The following CDH18 variants were observed in gnomAD, a reference collection of about 807,000 sequenced individuals.
The protein encoded by CDH18 is cadherin 18, also known as cadherin-18.
In CDH18, 31 loss-of-function variants were observed where a neutral mutation model predicts 67.9. The observed-to-expected ratio is 0.46, with a 90% CI of 0.34 to 0.62. The LOEUF is 0.62. CDH18 is among the 20% of genes least tolerant of loss of function. The pLI is 0.01. For synonymous variants in CDH18, 362 were observed against 347.2 expected (o/e 1.04, Z -0.48); for missense variants, 890 against 975.5 (o/e 0.91, Z 1.17).
chr5:20,392,104 A>G (rs966949451), intron 1 of CDH18, among the ~76,000 whole-genome samples: 2 of 151,940 alleles, frequency 1.3e-5, no homozygotes, highest in African/African-American at 4.8e-5. Context: ...TTAAAGAAAG[A>G]TAAAATAATA....
chr5:20,414,306 T>C (rs547198964), intron 1 of CDH18, among the ~76,000 whole-genome samples: 1 of 152,354 alleles, frequency 6.6e-6, no homozygotes, highest in South Asian at 2.1e-4. Flanking sequence ...ATGGTATCAC[T>C]TCGTTTACAA....
chr5:20,219,523 A>C lies in CDH18; in HGVS notation c.-518+35921T>G, dbSNP rs1025117577. Among the ~76,000 whole-genome samples the C allele has an allele frequency of 1.3e-5, 2 of 151,560 alleles. 1 individual carries two copies. The highest frequency in any genetic ancestry group is 2.9e-5 in the Non-Finnish European group (2 of 67,806). Reference sequence around the variant, plus strand: ...ACTAAAACTAAAGACATGTCAAAAAAAAAAAAAGAAAAAAACAAATCAGAA... The same window carrying C: ...ACTAAAACTAAAGACATGTCAAAAACAAAAAAAGAAAAAAACAAATCAGAA... On this transcript the variant is annotated intron_variant, in intron 2 of 14. Coordinates refer to the CDH18 transcript ENST00000507958.
chr5:20,451,039 G>A (rs1750405553), intron 1 of CDH18, among the ~76,000 whole-genome samples: 1 of 152,122 alleles, frequency 6.6e-6, no homozygotes, highest in South Asian at 2.1e-4. Context: ...CCTCCCACCA[G>A]GTCCCTCCAA....
chr5:20,557,290 C>G (rs370398015), intron 1 of CDH18, among the ~76,000 whole-genome samples: 1 of 150,838 alleles, frequency 6.6e-6, no homozygotes, highest in Non-Finnish European at 1.5e-5. Context: ...GTGGAGAGAT[C>G]GGCGAAAAAA....
At position 19,741,612 on chromosome 5, in the gene CDH18, A is replaced by T. The variant is rs191537831; in HGVS notation, c.523+5330T>A. Among the ~76,000 whole-genome samples, 146 of 152,296 alleles carry T rather than the reference A, an allele frequency of 9.6e-4. 2 individuals carry two copies. In the East Asian group the frequency reaches 0.027, roughly 28 times the overall value. On this transcript the variant is annotated intron_variant, in intron 4 of 12. Coordinates refer to ENST00000382275, the MANE Select transcript of CDH18 (RefSeq NM_004934.5). ...ACACTGCAATTTCTTACCTAGCCAG[A>T]TAGAACATATTTTTGTTTTAAAGTT...
chr5:20,163,486 C>T (rs1289067693), intron 2 of CDH18, among the ~76,000 whole-genome samples: 3 of 152,130 alleles, frequency 2.0e-5, no homozygotes, highest in African/African-American at 7.2e-5. Flanking sequence ...AACAGAAAAT[C>T]TAATATTTTT....
At chr5:19,524,234 A>G (rs1561264504) in intron 9 of CDH18, among the ~76,000 whole-genome samples, 1 of 150,914 alleles carries the variant, frequency 6.6e-6, no homozygotes, top group Non-Finnish European at 1.5e-5. Flanking sequence ...TTCATATATA[A>G]TTTATATTGG....
intron 2 of CDH18, among the ~76,000 whole-genome samples, chr5:20,248,820 C>T (rs903282699): frequency 2.0e-5 from 3 of 152,082 alleles, no homozygotes; most frequent in African/African-American, 7.2e-5. Flanking sequence ...CAATTTTATC[C>T]ACAGTTCTTC....
chr5:20,153,674 C>G (rs943131755), intron 2 of CDH18, among the ~76,000 whole-genome samples: 1 of 152,206 alleles, frequency 6.6e-6, no homozygotes, highest in Non-Finnish European at 1.5e-5. Context: ...AAAGGCTTCT[C>G]TTCCTGTCTT....
At chr5:19,968,300 C>T (rs1198848448) in intron 2 of CDH18, among the ~76,000 whole-genome samples, 2 of 152,066 alleles carry the variant, frequency 1.3e-5, no homozygotes, top group African/African-American at 4.8e-5. Context: ...CCATCCCCAT[C>T]AAGCTACCAA....
At chr5:19,612,746 C>A in intron 5 of CDH18, 145 bp from the exon 6 acceptor site, 1 of 639,138 alleles carries the variant, frequency 1.6e-6, no homozygotes, top group Non-Finnish European at 2.7e-6. Flanking sequence ...CAATATCTTA[C>A]CAATGCATGA....
At chr5:19,848,370 A>G (rs1783236116) in intron 2 of CDH18, among the ~76,000 whole-genome samples, 1 of 152,112 alleles carries the variant, frequency 6.6e-6, no homozygotes, top group African/African-American at 2.4e-5. Flanking sequence ...GCGAGGTATT[A>G]TGATGAGAGG....
At chr5:20,398,168 AT>A (rs1336865572) in intron 1 of CDH18, among the ~76,000 whole-genome samples, 1 of 152,088 alleles carries the variant, frequency 6.6e-6, no homozygotes, top group Non-Finnish European at 1.5e-5. Context: ...AATATACAAT[AT>A]TTCCCTCAGT....
intron 8 of CDH18, among the ~76,000 whole-genome samples, chr5:19,554,343 T>A (rs184526628): frequency 1.3e-5 from 2 of 152,200 alleles, no homozygotes; most frequent in African/African-American, 4.8e-5. Flanking sequence ...AGAATTTTTT[T>A]ATTCAGAACC....
At chr5:20,362,849 G>C (rs995547426) in intron 1 of CDH18, among the ~76,000 whole-genome samples, 1 of 152,056 alleles carries the variant, frequency 6.6e-6, no homozygotes, top group Non-Finnish European at 1.5e-5. Context: ...GAAATTGCTG[G>C]ACTGAGTTAA....
intron 1 of CDH18, among the ~76,000 whole-genome samples, chr5:20,503,088 T>A (rs965013499): frequency 2.6e-5 from 4 of 152,130 alleles, no homozygotes; most frequent in South Asian, 4.1e-4. Flanking sequence ...ACAGGTTTTT[T>A]AAATCAGATT....
intron 1 of CDH18, among the ~76,000 whole-genome samples, chr5:19,982,765 C>G (rs1799181702): frequency 6.6e-6 from 1 of 152,018 alleles, no homozygotes; most frequent in South Asian, 2.1e-4. Flanking sequence ...TAATTCGAGG[C>G]CAGGCACCAT....
At chr5:20,256,966 C>CTATCTATCTATCTGTCTAATCTATCTA (rs1561917330) in intron 1 of CDH18, among the ~76,000 whole-genome samples, 4 of 106,438 alleles carry the variant, frequency 3.8e-5, no homozygotes, top group South Asian at 3.4e-4. Flanking sequence ...TCTATCTAAT[C>CTATCTATCTATCTGTCTAATCTATCTA]TATCTATATC....
In CDH18 at chr5:20,243,308, A is replaced by G. The variant is rs1359915659; in HGVS notation, c.-518+12136T>C. Among the ~76,000 whole-genome samples, 9 of 152,198 alleles carry G rather than the reference A, an allele frequency of 5.9e-5. 1 individual carries two copies. The South Asian group carries it at 1.9e-3, about 31-fold the overall frequency. ...TAACTAGTCCCAATTTGGGCAGTCA[A>G]TTAGCAGCAAAATCCTACATAAAGG... On this transcript the variant is annotated intron_variant, in intron 2 of 14. Transcript: ENST00000507958.
Sources: allele counts gnomAD v4.1 joint callset (sites outside exome capture counted in the v4.1 genomes callset), GRCh38; gene constraint gnomAD v4.1.1; transcripts MANE v1.5; gene names NCBI Gene and HGNC (gene_info 2026-07-23, HGNC 2026-07-21).